The following RORA variants were observed in gnomAD, a reference collection of about 807,000 sequenced individuals.
The protein encoded by RORA is RAR related orphan receptor A.
Under a neutral mutation model 69.5 loss-of-function variants are expected in RORA, and 7 were observed. The observed-to-expected ratio is 0.10, with a 90% CI of 0.06 to 0.19. The LOEUF is 0.19. Among genes scored for constraint, RORA ranks in the 10% least tolerant of loss-of-function variants. The pLI, the probability that RORA is intolerant of heterozygous loss-of-function variation, is 1.00. For missense variants in RORA, 457 were observed against 663.0 expected (o/e 0.69, Z 3.41); for synonymous variants, 261 against 240.8 (o/e 1.08, Z -0.78).
At chr15:61,123,275 A>C (rs1323949662) in intron 1 of RORA, among the ~76,000 whole-genome samples, 1 of 152,122 alleles carries the variant, frequency 6.6e-6, no homozygotes, top group Admixed American at 6.5e-5. Flanking sequence ...AGGCTGAGTT[A>C]ACTGCCAATG....
rs139584916 is a variant in RORA, at chr15:60,841,230, C to T, written c.167-162544G>A. 7.7e-3 allele frequency: 1,845 copies of T among 240,514 alleles called. 12 individuals are homozygous for T. The highest frequency in any genetic ancestry group is 0.016 in the Middle Eastern group (8 of 512). 14.9% of individuals were successfully genotyped at this position (240,514 alleles called of 1,614,324 possible). ...CTTCTCAGGTGGCTGTGAACCCTCT[C>T]GGGGCCTCAGGCACTACAAGGTGCC... On this transcript the variant is annotated intron_variant, in intron 1 of 10. Coordinates refer to ENST00000335670, the MANE Select transcript of RORA (RefSeq NM_134261.3).
At chr15:61,051,908 T>C (rs1566964804) in intron 1 of RORA, among the ~76,000 whole-genome samples, 1 of 152,202 alleles carries the variant, frequency 6.6e-6, no homozygotes, top group East Asian at 1.9e-4. Context: ...CCCTCCTCCA[T>C]TTCTGCCTTT....
chr15:60,940,379 G>A (rs1044502861), intron 1 of RORA, among the ~76,000 whole-genome samples: 3 of 152,224 alleles, frequency 2.0e-5, no homozygotes, highest in Non-Finnish European at 4.4e-5. Flanking sequence ...AAAAACATCC[G>A]CTAGGTGAAA....
intron 1 of RORA, among the ~76,000 whole-genome samples, chr15:60,927,397 T>G (rs12906588): frequency 0.61 from 92,570 of 152,136 alleles, 28,539 homozygotes; most frequent in East Asian, 0.87. Context: ...CCAACCATTA[T>G]TAAATAACAC....
intron 1 of RORA, among the ~76,000 whole-genome samples, chr15:60,702,519 A>G (rs1052699213): frequency 1.3e-5 from 2 of 152,178 alleles, no homozygotes; most frequent in Non-Finnish European, 2.9e-5. Flanking sequence ...GGCGTGAGCC[A>G]CCGCGCCTGG....
intron 1 of RORA, among the ~76,000 whole-genome samples, chr15:61,121,622 G>A (rs986583496): frequency 6.6e-6 from 1 of 152,088 alleles, no homozygotes; most frequent in Non-Finnish European, 1.5e-5. Context: ...AAGAAGAAAT[G>A]CCCTCCTAAC....
intron 1 of RORA, among the ~76,000 whole-genome samples, chr15:60,748,323 A>C (rs1351138300): frequency 8.1e-6 from 1 of 123,550 alleles, no homozygotes; most frequent in Non-Finnish European, 1.7e-5. Flanking sequence ...AAAAAAAAAA[A>C]AACACACACA....
chr15:60,669,073 C>G (rs1365172698), intron 2 of RORA, among the ~76,000 whole-genome samples: 1 of 152,134 alleles, frequency 6.6e-6, no homozygotes, highest in Non-Finnish European at 1.5e-5. Flanking sequence ...CAGAGGCTCC[C>G]AGGGTAGCAG....
intron 2 of RORA, among the ~76,000 whole-genome samples, chr15:60,532,866 C>G (rs1454341599): frequency 6.6e-6 from 1 of 152,222 alleles, no homozygotes; most frequent in Non-Finnish European, 1.5e-5. Flanking sequence ...AGATTACCTA[C>G]TGAGTTACAC....
In RORA at chr15:60,558,831, T is replaced by C. The variant is rs147586102; in HGVS notation, c.197-26980A>G. ...GAAGATCAGGTAGCAATGTCTACTT[T>C]ATATTTTTGGCTTTGACTGTGCCAA... is the stretch of plus-strand genomic sequence containing the variant. On this transcript the variant is annotated intron_variant, in intron 2 of 10. Coordinates refer to ENST00000335670, the MANE Select transcript of RORA (RefSeq NM_134261.3). Among the ~76,000 whole-genome samples, 45 of 149,526 alleles carry C rather than the reference T, an allele frequency of 3.0e-4. 1 individual carries two copies. The East Asian group carries it at 8.5e-3, about 28-fold the overall frequency.
chr15:60,561,186 A>G, intron 2 of RORA, among the ~76,000 whole-genome samples: 1 of 149,156 alleles, frequency 6.7e-6, no homozygotes, highest in East Asian at 2.0e-4. Context: ...GGTTCACGCC[A>G]TTCTCCTGCC....
At chr15:60,586,455 G>GGTGTGTGTGTGTGTGT (rs146340386) in intron 2 of RORA, among the ~76,000 whole-genome samples, 18 of 150,182 alleles carry the variant, frequency 1.2e-4, no homozygotes, top group African/African-American at 4.2e-4. Flanking sequence ...GTATTAGAGG[G>GGTGTGTGTGTGTGTGT]GTGTGTGTGT....
chr15:60,565,491 C>T (rs1279124901), intron 2 of RORA, among the ~76,000 whole-genome samples: 3 of 152,164 alleles, frequency 2.0e-5, no homozygotes, highest in Non-Finnish European at 2.9e-5. Context: ...CACATTTATT[C>T]CAGACTTGAG....
intron 1 of RORA, among the ~76,000 whole-genome samples, chr15:60,992,930 T>C (rs1034823632): frequency 2.0e-5 from 3 of 152,160 alleles, no homozygotes; most frequent in African/African-American, 7.2e-5. Context: ...TGCTTCAGCA[T>C]GAAACTACTG....
intron 1 of RORA, among the ~76,000 whole-genome samples, chr15:61,159,031 G>A (rs2140881450): frequency 6.6e-6 from 1 of 152,212 alleles, no homozygotes; most frequent in South Asian, 2.1e-4. Flanking sequence ...CGCAAGCATG[G>A]TGTAACATAT....
intron 1 of RORA, among the ~76,000 whole-genome samples, chr15:60,691,691 A>G (rs2070828578): frequency 6.6e-6 from 1 of 152,200 alleles, no homozygotes; most frequent in African/African-American, 2.4e-5. Context: ...CCCAGGACCC[A>G]AAGCAAAGGT....
Position 60,497,364 on chromosome 15 carries a change from T to G in RORA, c.*91A>C. 1 of 1,130,690 alleles carries G rather than the reference T, an allele frequency of 8.8e-7. No individual in the cohort carries two copies. Among genetic ancestry groups the G allele is most frequent in the Non-Finnish European group, 1.3e-6 (1 of 766,742 alleles). The allele number at this position is 1,130,690 out of a possible 1,614,324, so 70.0% of individuals were successfully genotyped here. A position where few individuals can be genotyped will look rare whatever the true frequency, so the allele number is the denominator to read the frequency against. On this transcript the variant is annotated 3_prime_UTR_variant, in exon 11 of 11. Coordinates refer to ENST00000335670, the MANE Select transcript of RORA (RefSeq NM_134261.3). ...TGCAGTGTGTGGCGCTCCAGGTCTG[T>G]GCAGGGCCATATAAAGTGTCTCGGT...
At chr15:61,200,357 G>A (rs2079884158) in intron 1 of RORA, among the ~76,000 whole-genome samples, 2 of 152,140 alleles carry the variant, frequency 1.3e-5, no homozygotes, top group African/African-American at 2.4e-5. Context: ...GGCAGGCAAA[G>A]GCATGCAGAG....
intron 1 of RORA, among the ~76,000 whole-genome samples, chr15:60,869,138 T>A (rs28725230): frequency 6.6e-6 from 1 of 152,158 alleles, no homozygotes; most frequent in Non-Finnish European, 1.5e-5. Context: ...CAGTTCCTTA[T>A]ATTTTGGCTG....
Sources: gnomAD v4.1 joint callset for allele counts (sites outside exome capture counted in the v4.1 genomes callset) on GRCh38, gnomAD v4.1.1 for gene constraint, MANE v1.5 for transcripts, NCBI Gene and HGNC (gene_info 2026-07-23, HGNC 2026-07-21) for gene names.